Variants in VPS13D observed in about 807,000 individuals in gnomAD.
The protein encoded by VPS13D is vacuolar protein sorting 13 homolog D.
A neutral mutation model predicts 461.9 loss-of-function variants in VPS13D; 187 were observed. The ratio of observed to expected loss-of-function variants is 0.40; its 90% CI spans 0.36 to 0.46. VPS13D has a LOEUF of 0.46. VPS13D is among the 20% of genes least tolerant of loss of function. The pLI is 0.60. For missense variants in VPS13D, 4,711 were observed against 5,364.9 expected (o/e 0.88, Z 3.81); for synonymous variants, 1,951 against 1,986.3 (o/e 0.98, Z 0.47).
At chr1:12,292,214 G>A (rs1642150537) in intron 23 of VPS13D, among the ~76,000 whole-genome samples, 1 of 136,080 alleles carries the variant, frequency 7.3e-6, no homozygotes, top group Non-Finnish European at 1.5e-5. Flanking sequence ...AGCCGGGATT[G>A]TGCCACTGCA....
intron 26 of VPS13D, among the ~76,000 whole-genome samples, chr1:12,307,998 A>G (rs1367905672): frequency 6.6e-6 from 1 of 152,144 alleles, no homozygotes; most frequent in Non-Finnish European, 1.5e-5. Flanking sequence ...GTCAGTGGAA[A>G]TGGACGTGGT....
At chr1:12,369,118 G>A (rs1234744285) in intron 53 of VPS13D, among the ~76,000 whole-genome samples, 4 of 152,084 alleles carry the variant, frequency 2.6e-5, no homozygotes, top group African/African-American at 7.2e-5. Context: ...GGGGGTTTGG[G>A]CTAGAAAGAT....
intron 45 of VPS13D, 44 bp from the exon 46 acceptor site, chr1:12,349,120 G>C: frequency 6.2e-7 from 1 of 1,612,018 alleles, no homozygotes; most frequent in South Asian, 1.1e-5. Flanking sequence ...TCTTTGGGGT[G>C]GAGGACCATT....
chr1:12,353,846 A>G, intron 46 of VPS13D, 128 bp from the exon 47 acceptor site: 1 of 972,414 alleles, frequency 1.0e-6, no homozygotes, highest in Non-Finnish European at 1.5e-6. Flanking sequence ...ATGTATTTGG[A>G]TTGAAAACTG....
At chr1:12,311,088 G>T (rs1642735648) in intron 27 of VPS13D, among the ~76,000 whole-genome samples, 1 of 151,654 alleles carries the variant, frequency 6.6e-6, no homozygotes. Context: ...GTTAATTTTT[G>T]CATTTTTTGT....
chr1:12,358,349 TG>T (rs1347274818), intron 49 of VPS13D, 109 bp from the exon 50 acceptor site: 1 of 1,382,510 alleles, frequency 7.2e-7, no homozygotes, highest in Non-Finnish European at 9.8e-7. Context: ...AGAGAGTCAG[TG>T]GTAGAGATGG....
chr1:12,483,996 CAA>C (rs991510896), intron 67 of VPS13D, among the ~76,000 whole-genome samples: 2 of 129,884 alleles, frequency 1.5e-5, no homozygotes, highest in Admixed American at 1.5e-4. Flanking sequence ...GACTCCCTCT[CAA>C]AAAAAAAAAA....
At chr1:12,312,466 CAA>C (rs1642780509) in intron 29 of VPS13D, among the ~76,000 whole-genome samples, 4 of 152,150 alleles carry the variant, frequency 2.6e-5, no homozygotes, top group Admixed American at 2.6e-4. Context: ...CCAACATTTT[CAA>C]AGTTAGGGGC....
chr1:12,503,875 T>G (rs1646068635), intron 68 of VPS13D, among the ~76,000 whole-genome samples: 1 of 152,128 alleles, frequency 6.6e-6, no homozygotes, highest in East Asian at 1.9e-4. Flanking sequence ...GTGTGAGCAC[T>G]CAAGGAACCT....
rs752439325 is a variant in VPS13D, at chr1:12,415,262, G to T, written c.12165+41G>T. The T allele has an allele frequency of 1.9e-6, 3 of 1,612,584 alleles. No homozygotes were observed. The South Asian group carries it at 3.3e-5, about 18-fold the overall frequency. On this transcript the variant is annotated intron_variant, in intron 64 of 69. Transcript: ENST00000620676. ...GTAATCATTGGCTGGAGCATAAGCA[G>T]AATGTTTGTTTTAGTTGTTTGGGAA...
chr1:12,433,949 A>AGAGAGAGAGAGAGAGAGAGAGAGAGT (rs1553121770), intron 65 of VPS13D, among the ~76,000 whole-genome samples: 2 of 144,926 alleles, frequency 1.4e-5, no homozygotes, highest in African/African-American at 5.1e-5. Flanking sequence ...AGAGAGAGAG[A>AGAGAGAGAGAGAGAGAGAGAGAGAGT]GTGTGTGTGT....
intron 63 of VPS13D, among the ~76,000 whole-genome samples, chr1:12,408,509 G>T (rs1644684073): frequency 6.6e-6 from 1 of 152,082 alleles, no homozygotes. Context: ...GATTATAGGT[G>T]CGTGCCACCA....
chr1:12,320,280 G>T (rs746155922), intron 32 of VPS13D, among the ~76,000 whole-genome samples: 1 of 152,170 alleles, frequency 6.6e-6, no homozygotes, highest in African/African-American at 2.4e-5. Flanking sequence ...TTTGTCTCTT[G>T]TTAAGCCATG....
At chr1:12,463,194 C>T (rs979098587) in intron 67 of VPS13D, among the ~76,000 whole-genome samples, 1 of 152,208 alleles carries the variant, frequency 6.6e-6, no homozygotes, top group Non-Finnish European at 1.5e-5. Flanking sequence ...TTCATATATC[C>T]TCAAAGGAGG....
chr1:12,436,383 G>A (rs919246779), intron 65 of VPS13D, among the ~76,000 whole-genome samples: 4 of 152,208 alleles, frequency 2.6e-5, no homozygotes, highest in Admixed American at 2.6e-4. Flanking sequence ...ACAGGGAGCA[G>A]TCCCAGCAGG....
At chr1:12,245,829 A>C (rs934221819) in intron 5 of VPS13D, among the ~76,000 whole-genome samples, 1 of 152,206 alleles carries the variant, frequency 6.6e-6, no homozygotes, top group African/African-American at 2.4e-5. Flanking sequence ...AGATTTGCCT[A>C]TTGTAGACAT....
At chr1:12,302,288 A>C (rs1420049584) in intron 25 of VPS13D, among the ~76,000 whole-genome samples, 2 of 152,112 alleles carry the variant, frequency 1.3e-5, no homozygotes, top group Non-Finnish European at 2.9e-5. Context: ...GGCCATACTA[A>C]AATTTTTAGG....
At chr1:12,327,510 C>T (rs1643222534) in intron 35 of VPS13D, 138 bp from the exon 36 acceptor site, 3 of 252,090 alleles carry the variant, frequency 1.2e-5, no homozygotes, top group African/African-American at 6.8e-5. Flanking sequence ...TTTATTAAGT[C>T]CAAGAATACT....
chr1:12,451,124 A>G (rs1469659890), intron 65 of VPS13D, among the ~76,000 whole-genome samples: 1 of 152,228 alleles, frequency 6.6e-6, no homozygotes, highest in Non-Finnish European at 1.5e-5. Context: ...AGAGGAACAC[A>G]GTGTGAATTT....
Sources: gnomAD v4.1 joint callset for allele counts (sites outside exome capture counted in the v4.1 genomes callset) on GRCh38, gnomAD v4.1.1 for gene constraint, MANE v1.5 for transcripts, NCBI Gene and HGNC (gene_info 2026-07-23, HGNC 2026-07-21) for gene names.